Variants in PRKN observed in about 807,000 individuals in gnomAD.
PRKN encodes the protein E3 ubiquitin-protein ligase parkin.
A neutral mutation model predicts 59.5 loss-of-function variants in PRKN; 56 were observed. That is an observed-to-expected ratio of 0.94 (90% CI 0.76 to 1.18). The LOEUF (loss-of-function observed/expected upper bound fraction) is 1.18, where lower values mean the gene tolerates loss of function less well. Among genes scored for constraint, PRKN ranks in the 50% most tolerant of loss-of-function variants. The probability of loss-of-function intolerance (pLI) is 0.00; values close to 1 mark genes in which losing one functional copy is unlikely to be tolerated. For synonymous variants in PRKN, 250 were observed against 222.1 expected, an observed-to-expected ratio of 1.13 and a Z score of -1.12; for missense variants, 657 against 596.4, an observed-to-expected ratio of 1.10 and a Z score of -1.06.
intron 4 of PRKN, among the ~76,000 whole-genome samples, chr6:162,065,905 C>CT (rs1778318392): frequency 6.6e-6 from 1 of 152,158 alleles, no homozygotes; most frequent in Admixed American, 6.5e-5. Context: ...TGAACACATC[C>CT]TTTTTTATGA....
chr6:161,766,867 G>T (rs550272514), intron 7 of PRKN, among the ~76,000 whole-genome samples: 1 of 152,150 alleles, frequency 6.6e-6, no homozygotes. Context: ...AATAAAAGGT[G>T]GAGAGGGAAA....
At chr6:162,673,117 AT>A (rs1584024142) in intron 1 of PRKN, among the ~76,000 whole-genome samples, 1 of 152,142 alleles carries the variant, frequency 6.6e-6, no homozygotes, top group East Asian at 1.9e-4. Context: ...CTGCCCATCC[AT>A]TTATTTCTCC....
At chr6:161,387,275 T>C (rs1386609515) in intron 9 of PRKN, among the ~76,000 whole-genome samples, 2 of 152,212 alleles carry the variant, frequency 1.3e-5, no homozygotes, top group Admixed American at 1.3e-4. Context: ...TCCCATGCTA[T>C]TCTTGTGATA....
intron 2 of PRKN, among the ~76,000 whole-genome samples, chr6:162,311,354 T>G (rs1032312012): frequency 2.6e-5 from 4 of 152,104 alleles, no homozygotes; most frequent in Non-Finnish European, 5.9e-5. Flanking sequence ...AATCAAAGCA[T>G]GAGGAATCTG....
intron 6 of PRKN, among the ~76,000 whole-genome samples, chr6:161,959,682 C>G (rs1014107960): frequency 2.6e-5 from 4 of 152,040 alleles, no homozygotes; most frequent in Non-Finnish European, 5.9e-5. Flanking sequence ...TTAGATACTC[C>G]CAAATGAATA....
At chr6:162,200,713 C>T in intron 4 of PRKN, among the ~76,000 whole-genome samples, 1 of 152,178 alleles carries the variant, frequency 6.6e-6, no homozygotes, top group East Asian at 1.9e-4. Flanking sequence ...GTGCACCAAT[C>T]TTAACGCAAC....
At chr6:162,347,656 G>A (rs1211923086) in intron 2 of PRKN, among the ~76,000 whole-genome samples, 1 of 151,940 alleles carries the variant, frequency 6.6e-6, no homozygotes, top group African/African-American at 2.4e-5. Flanking sequence ...TATAGCATTT[G>A]TTAATTTTAT....
intron 6 of PRKN, among the ~76,000 whole-genome samples, chr6:161,881,957 C>T (rs1794952298): frequency 6.6e-6 from 1 of 152,134 alleles, no homozygotes; most frequent in Non-Finnish European, 1.5e-5. Context: ...CTGAAACTGC[C>T]ACCACTGCCC....
intron 7 of PRKN, among the ~76,000 whole-genome samples, chr6:161,680,726 CATATATATATATATATATATATATATAT>C (rs56954052): frequency 2.0e-5 from 1 of 51,038 alleles, no homozygotes; most frequent in Non-Finnish European, 3.1e-5. Context: ...TCCTGAAATA[CATATATATATATATATATATATATATAT>C]ATATATATAT....
intron 6 of PRKN, among the ~76,000 whole-genome samples, chr6:161,958,580 G>A (rs1188788180): frequency 1.3e-5 from 2 of 151,934 alleles, no homozygotes; most frequent in African/African-American, 2.4e-5. Context: ...TGAATTTTAT[G>A]TAAGAATGTG....
At position 161,554,730 on chromosome 6, in the gene PRKN, G is replaced by GTATATATATATA. The variant is rs1165247669; in HGVS notation, c.934-5728_934-5727insTATATATATATA. Among the ~76,000 whole-genome samples, 4 of 137,914 alleles carry GTATATATATATA rather than the reference G, an allele frequency of 2.9e-5. No individual in the cohort carries two copies. The highest frequency in any genetic ancestry group is 8.1e-5 in the African/African-American group (3 of 36,818). 90.5% of individuals were successfully genotyped at this position (137,914 alleles called of 152,430 possible). A position where few individuals can be genotyped will look rare whatever the true frequency, so the allele number is the denominator to read the frequency against. On this transcript the variant is annotated intron_variant, in intron 8 of 11. Coordinates refer to ENST00000366898, the MANE Select transcript of PRKN (RefSeq NM_004562.3). The surrounding 1 kb of genome is among the most constrained non-coding windows in gnomAD (Gnocchi z 4.5). ...ACAGGGATTGTGTGTGTGTGTGTGT[G>GTATATATATATA]TGTGTATATATATATATATATATAC...
At chr6:162,265,405 T>A (rs1780083983) in intron 2 of PRKN, among the ~76,000 whole-genome samples, 1 of 152,058 alleles carries the variant, frequency 6.6e-6, no homozygotes, top group African/African-American at 2.4e-5. Flanking sequence ...CAAAAGAACA[T>A]CCCTGCCAGG....
intron 1 of PRKN, among the ~76,000 whole-genome samples, chr6:162,545,140 G>A (rs1268373463): frequency 6.6e-6 from 1 of 151,438 alleles, no homozygotes; most frequent in South Asian, 2.1e-4. Context: ...CAAAAAAAAT[G>A]AGCTGGGTGT....
At chr6:162,275,088 A>AAAG (rs1780573509) in intron 2 of PRKN, 1 of 152,698 alleles carries the variant, frequency 6.5e-6, no homozygotes, top group Admixed American at 6.6e-5. Context: ...CTCAAAAAAA[A>AAAG]AAAAAAAAAA....
chr6:161,480,922 G>A lies in PRKN; in HGVS notation c.1083+67932C>T. 6.6e-6 allele frequency among the ~76,000 whole-genome samples: 1 copy of A among 152,160 alleles called. No homozygotes were observed. The highest frequency in any genetic ancestry group is 1.9e-4 in the East Asian group (1 of 5,184). On this transcript the variant is annotated intron_variant, in intron 9 of 11. Coordinates refer to ENST00000366898, the MANE Select transcript of PRKN (RefSeq NM_004562.3). The surrounding 1 kb of genome is among the most constrained non-coding windows in gnomAD (Gnocchi z 4.1). Reference sequence around the variant, plus strand: ...TTGGTAACTGGAAAGGAAAGCTGATGGTGCAGCTTTCTCCATGGTAACCGG... The same window carrying A: ...TTGGTAACTGGAAAGGAAAGCTGATAGTGCAGCTTTCTCCATGGTAACCGG...
intron 1 of PRKN, among the ~76,000 whole-genome samples, chr6:162,533,190 T>C (rs1347609708): frequency 1.3e-5 from 2 of 152,228 alleles, no homozygotes; most frequent in Non-Finnish European, 1.5e-5. Context: ...TTTTACCCAG[T>C]TACAATGCTA....
At chr6:162,163,639 G>T (rs2849591) in intron 4 of PRKN, among the ~76,000 whole-genome samples, 21,079 of 148,690 alleles carry the variant, frequency 0.14, 4,238 homozygotes, top group East Asian at 0.4. Flanking sequence ...GCAGAACAAT[G>T]ATCTAGAAAA....
At chr6:162,658,542 T>C (rs1778745587) in intron 1 of PRKN, among the ~76,000 whole-genome samples, 2 of 151,096 alleles carry the variant, frequency 1.3e-5, no homozygotes, top group Non-Finnish European at 2.9e-5. Context: ...GTGACTGTAA[T>C]CCCAGCTACT....
At chr6:162,045,416 C>T (rs531611724) in intron 5 of PRKN, among the ~76,000 whole-genome samples, 38 of 152,316 alleles carry the variant, frequency 2.5e-4, no homozygotes, top group African/African-American at 9.1e-4. Context: ...CTTGAGGAAG[C>T]TCAGATGATC....
Sources: allele counts gnomAD v4.1 joint callset (sites outside exome capture counted in the v4.1 genomes callset), GRCh38; gene constraint gnomAD v4.1.1; non-coding constraint Gnocchi (gnomAD v3.1); transcripts MANE v1.5; gene names NCBI Gene and HGNC (gene_info 2026-07-23, HGNC 2026-07-21).